The following LRRC2 variants were observed in gnomAD, a reference collection of about 807,000 sequenced individuals.
LRRC2 encodes leucine rich repeat containing 2.
In LRRC2, 27 loss-of-function variants were observed where a neutral mutation model predicts 40.2. The observed-to-expected ratio is 0.67, with a 90% CI of 0.49 to 0.93. LRRC2 has a LOEUF of 0.93. Among genes scored for constraint, LRRC2 ranks in the 40% least tolerant of loss-of-function variants. The pLI is 0.00. For synonymous variants in LRRC2, 147 were observed against 158.9 expected (o/e 0.92, Z 0.56); for missense variants, 402 against 439.6 (o/e 0.91, Z 0.76).
At chr3:46,550,203 T>A (rs28670418) in intron 2 of LRRC2, among the ~76,000 whole-genome samples, 12,211 of 152,112 alleles carry the variant, frequency 0.08, 577 homozygotes, top group South Asian at 0.17. Context: ...GCAACTTACC[T>A]AAGTCCCAAC....
At position 46,515,801 on chromosome 3, in the gene LRRC2, A is replaced by ATATG. The variant is rs1703849628; in HGVS notation, c.*3212_*3213insCATA. The ATATG allele has an allele frequency of 6.6e-6, 1 of 152,170 alleles. No individual in the cohort carries two copies. The highest frequency in any genetic ancestry group is 1.5e-5 in the Non-Finnish European group (1 of 68,032). 9.4% of individuals were successfully genotyped at this position (152,170 alleles called of 1,614,324 possible). On this transcript the variant is annotated 3_prime_UTR_variant, in exon 9 of 9. Coordinates refer to ENST00000395905, the MANE Select transcript of LRRC2 (RefSeq NM_024512.5). ...TTTTCCACTTGGCCATATGTAACACATACCTTAGCATGACATAAAATTCCA... is the reference window on the plus strand; with the variant it reads ...TTTTCCACTTGGCCATATGTAACACATATGTACCTTAGCATGACATAAAATTCCA...
At chr3:46,541,029 T>G (rs1303676358) in intron 3 of LRRC2, among the ~76,000 whole-genome samples, 1 of 152,192 alleles carries the variant, frequency 6.6e-6, no homozygotes, top group Admixed American at 6.5e-5. Context: ...ATGACTATTT[T>G]CAACAAGAAA....
At chr3:46,520,139 T>C (rs1354857718) in intron 8 of LRRC2, among the ~76,000 whole-genome samples, 1 of 148,696 alleles carries the variant, frequency 6.7e-6, no homozygotes, top group Admixed American at 6.7e-5. Context: ...TAATAATATA[T>C]TATCGATAAA....
chr3:46,539,172 T>C lies in LRRC2; in HGVS notation c.363A>G (p.Thr121=). Residue 121 remains threonine (T), a synonymous_variant, in exon 4 of 9, where the codon ACA becomes ACG. Transcript: ENST00000395905. ...TELPDSLKEQ[T]HLREWYISNT... ...TGCTTATGTACCATTCTCTCAGGTG[T>C]GTCTGCTCCTTCAATGAATCTGGGA... 6.2e-7 allele frequency: 1 copy of C among 1,613,960 alleles called. No individual in the cohort carries two copies.
intron 1 of LRRC2, among the ~76,000 whole-genome samples, chr3:46,561,079 C>T (rs920080111): frequency 7.2e-5 from 11 of 152,148 alleles, no homozygotes; most frequent in African/African-American, 2.7e-4. Flanking sequence ...TATATGTAGG[C>T]GTTTACATAA....
chr3:46,545,894 C>T (rs1343445132), intron 2 of LRRC2, among the ~76,000 whole-genome samples: 6 of 152,240 alleles, frequency 3.9e-5, no homozygotes, highest in Non-Finnish European at 7.3e-5. Flanking sequence ...CAGGGCTCTG[C>T]ACCTGGTGGG....
intron 3 of LRRC2, among the ~76,000 whole-genome samples, chr3:46,543,580 T>C (rs6768155): frequency 1 from 151,247 of 151,250 alleles, 75,622 homozygotes; most frequent in Non-Finnish European, 1. Flanking sequence ...CGCACCACTG[T>C]GCTCCAGCCT....
intron 1 of LRRC2, among the ~76,000 whole-genome samples, chr3:46,556,950 A>G (rs1385519697): frequency 7.0e-6 from 1 of 143,298 alleles, no homozygotes; most frequent in East Asian, 2.0e-4. Context: ...TGATGACACA[A>G]ATATTAGACT....
intron 3 of LRRC2, 68 bp from the exon 4 acceptor site, chr3:46,539,269 G>A: frequency 6.8e-7 from 1 of 1,466,710 alleles, no homozygotes; most frequent in Non-Finnish European, 9.4e-7. Context: ...GTAAAACCAA[G>A]CATTTATTTT....
At position 46,535,413 on chromosome 3, in the gene LRRC2, G is replaced by A. The variant is rs187180052; in HGVS notation, c.491-2504C>T. On this transcript the variant is annotated intron_variant, in intron 4 of 8. Transcript: ENST00000395905. ...GATATAGACTGAAAATTATAAGTTG[G>A]ATAAAATATATATATGACTTAAATC... Among the ~76,000 whole-genome samples, 34 of 152,230 alleles carry A rather than the reference G, an allele frequency of 2.2e-4. 1 individual carries two copies. The highest frequency in any genetic ancestry group is 7.5e-4 in the African/African-American group (31 of 41,544).
At chr3:46,532,078 C>G (rs1349259598) in intron 5 of LRRC2, among the ~76,000 whole-genome samples, 1 of 152,138 alleles carries the variant, frequency 6.6e-6, no homozygotes, top group Non-Finnish European at 1.5e-5. Context: ...TGTAGGACTA[C>G]TTTAATCATC....
Position 46,551,648 on chromosome 3 carries a change from C to T in LRRC2, c.-19-38G>A, listed in dbSNP as rs1704656674. ...TATATAGATATGTCAGCTTGATACA[C>T]AAACAGAAAACAGTTTTAACATAAA... On this transcript the variant is annotated intron_variant, in intron 1 of 8. Coordinates refer to ENST00000395905, the MANE Select transcript of LRRC2 (RefSeq NM_024512.5). 3 of 1,474,286 alleles carry T rather than the reference C, an allele frequency of 2.0e-6. No homozygotes were observed. In the Admixed American group the frequency reaches 6.2e-5, roughly 31 times the overall value. The allele number at this position is 1,474,286 out of a possible 1,614,324, so 91.3% of individuals were successfully genotyped here.
intron 4 of LRRC2, among the ~76,000 whole-genome samples, chr3:46,536,581 C>T (rs1250968990): frequency 6.6e-6 from 1 of 152,174 alleles, no homozygotes; most frequent in African/African-American, 2.4e-5. Flanking sequence ...TCCTCACTCC[C>T]CCACCAGTGG....
chr3:46,548,135 C>T (rs551898264), intron 2 of LRRC2, among the ~76,000 whole-genome samples: 214 of 152,152 alleles, frequency 1.4e-3, no homozygotes, highest in Middle Eastern at 3.4e-3. Flanking sequence ...GAGATGATAC[C>T]GGCTCATCCC....
intron 3 of LRRC2, among the ~76,000 whole-genome samples, chr3:46,544,559 G>A (rs1051310397): frequency 2.0e-4 from 31 of 152,340 alleles, no homozygotes; most frequent in African/African-American, 7.5e-4. Context: ...GATGAAATGG[G>A]CAATAGCCCA....
intron 7 of LRRC2, among the ~76,000 whole-genome samples, chr3:46,526,523 A>G (rs1704062753): frequency 6.6e-6 from 1 of 152,216 alleles, no homozygotes; most frequent in African/African-American, 2.4e-5. Flanking sequence ...GGAGCAGAGT[A>G]GGGCATGCGT....
rs751247789 is a variant in LRRC2 at position 46,551,627 on chromosome 3, T to C, written c.-19-17A>G. On this transcript the variant is annotated splice_polypyrimidine_tract_variant and intron_variant, in intron 1 of 8. Transcript: ENST00000395905. Reference sequence around the variant, plus strand: ...TGAAATTACCTATTTAAAAAATATATAGATATGTCAGCTTGATACACAAAC... The same window carrying C: ...TGAAATTACCTATTTAAAAAATATACAGATATGTCAGCTTGATACACAAAC... 4.4e-6 allele frequency: 7 copies of C among 1,575,306 alleles called. No homozygotes were observed. Among genetic ancestry groups the C allele is most frequent in the South Asian group, 1.2e-5 (1 of 84,492 alleles).
Position 46,536,082 on chromosome 3 carries a change from C to T in LRRC2, c.490+2963G>A, listed in dbSNP as rs149377944. ...CATGTGAGGCACAGACTGAAGAACA[C>T]AGTGTAAGCCCATGTGTGTAAGTAT... On this transcript the variant is annotated intron_variant, in intron 4 of 8. Transcript: ENST00000395905. 1.2e-4 allele frequency among the ~76,000 whole-genome samples: 19 copies of T among 152,268 alleles called. 1 individual carries two copies. In the East Asian group the frequency reaches 3.3e-3, roughly 26 times the overall value.
rs545105863 is a variant in LRRC2, at chr3:46,519,143, T to C, written c.1067-80A>G. On this transcript the variant is annotated intron_variant, in intron 8 of 8. Coordinates refer to ENST00000395905, the MANE Select transcript of LRRC2 (RefSeq NM_024512.5). ...TAGCTACGTGCTATGACATACATAA[T>C]GAATGTATGTCAATACACCCATTAT... 3 of 924,834 alleles carry C rather than the reference T, an allele frequency of 3.2e-6. No individual in the cohort carries two copies. In the South Asian group the frequency reaches 3.9e-5, roughly 12 times the overall value. The allele number at this position is 924,834 out of a possible 1,614,324, so 57.3% of individuals were successfully genotyped here.
Sources: gnomAD v4.1 joint callset for allele counts (sites outside exome capture counted in the v4.1 genomes callset) on GRCh38, gnomAD v4.1.1 for gene constraint, MANE v1.5 for transcripts, NCBI Gene and HGNC (gene_info 2026-07-23, HGNC 2026-07-21) for gene names.